SERINC5: variants seen among roughly 807,000 people sequenced by gnomAD.
The protein encoded by SERINC5 is chromosome 5 open reading frame 12.
A neutral mutation model predicts 63.1 loss-of-function variants in SERINC5; 41 were observed. The observed-to-expected ratio is 0.65, with a 90% CI of 0.51 to 0.84. The LOEUF is 0.84. Ranked by LOEUF, SERINC5 falls within the 40% of genes least tolerant of loss-of-function variation. SERINC5 has a pLI of 0.00. For synonymous variants in SERINC5, 222 were observed against 215.2 expected, an observed-to-expected ratio of 1.03 and a Z score of -0.28; for missense variants, 523 against 573.0, an observed-to-expected ratio of 0.91 and a Z score of 0.89.
chr5:80,184,724 T>C (rs1748692605), intron 2 of SERINC5, among the ~76,000 whole-genome samples: 1 of 152,086 alleles, frequency 6.6e-6, no homozygotes, highest in Non-Finnish European at 1.5e-5. Flanking sequence ...TATTTGCTGT[T>C]CCAAAGTCCA....
chr5:80,176,332 A>C (rs1033428710), intron 4 of SERINC5, among the ~76,000 whole-genome samples: 1 of 152,264 alleles, frequency 6.6e-6, no homozygotes, highest in African/African-American at 2.4e-5. Flanking sequence ...TAGGGAGTAC[A>C]TGAAAAACAA....
intron 5 of SERINC5, among the ~76,000 whole-genome samples, chr5:80,172,448 CCA>C (rs1747729662): frequency 6.6e-6 from 1 of 152,194 alleles, no homozygotes; most frequent in Non-Finnish European, 1.5e-5. Flanking sequence ...CTCTTTGTAA[CCA>C]CATTCTCCCA....
At chr5:80,164,785 T>C (rs1747161070) in intron 7 of SERINC5, among the ~76,000 whole-genome samples, 23 of 152,186 alleles carry the variant, frequency 1.5e-4, no homozygotes, top group Admixed American at 1.5e-3. Flanking sequence ...GTAATCTTTC[T>C]GCTTTTTTCA....
chr5:80,161,059 T>C (rs1352591658), intron 7 of SERINC5, among the ~76,000 whole-genome samples: 1 of 148,830 alleles, frequency 6.7e-6, no homozygotes, highest in Non-Finnish European at 1.5e-5. Flanking sequence ...TGTATGTATG[T>C]ATATATATAA....
chr5:80,226,507 T>C (rs539199042), intron 1 of SERINC5, among the ~76,000 whole-genome samples: 1 of 152,204 alleles, frequency 6.6e-6, no homozygotes, highest in Non-Finnish European at 1.5e-5. Context: ...CCTACTCCCC[T>C]ATAGAAACAT....
chr5:80,181,645 C>A (rs892899046), intron 2 of SERINC5, among the ~76,000 whole-genome samples: 20 of 148,240 alleles, frequency 1.3e-4, no homozygotes, highest in African/African-American at 4.9e-4. Flanking sequence ...TAAAACTGTA[C>A]ATTTTTTATG....
intron 1 of SERINC5, among the ~76,000 whole-genome samples, chr5:80,236,376 C>T (rs529842477): frequency 6.6e-6 from 1 of 152,248 alleles, no homozygotes; most frequent in South Asian, 2.1e-4. Context: ...TTAGAACTGG[C>T]TCTTAACTTC....
Position 80,222,338 on chromosome 5 carries a change from G to A in SERINC5, c.28-19285C>T, listed in dbSNP as rs564193616. Among the ~76,000 whole-genome samples the A allele has an allele frequency of 1.4e-3, 220 of 152,066 alleles. 2 individuals are homozygous for A. The South Asian group carries it at 0.015, about 10-fold the overall frequency. ...TGTTTCAAAGCAATTTCTCAGTGGC[G>A]GGACAAAGCTTTGCTGAATCATTAT... On this transcript the variant is annotated intron_variant, in intron 1 of 11. Coordinates refer to ENST00000507668, the MANE Select transcript of SERINC5 (RefSeq NM_001174072.3).
At chr5:80,232,220 C>T (rs931587625) in intron 1 of SERINC5, among the ~76,000 whole-genome samples, 39 of 146,430 alleles carry the variant, frequency 2.7e-4, no homozygotes, top group South Asian at 2.2e-4. Flanking sequence ...CTGGCTAACA[C>T]CGTAAAACCC....
chr5:80,164,338 T>G (rs995138994), intron 7 of SERINC5, among the ~76,000 whole-genome samples: 13 of 144,804 alleles, frequency 9.0e-5, no homozygotes, highest in African/African-American at 1.8e-4. Flanking sequence ...TGGGTTTTTT[T>G]GGGGGGGAGG....
At chr5:80,144,594 A>G (rs1185579505) in intron 11 of SERINC5, among the ~76,000 whole-genome samples, 1 of 152,172 alleles carries the variant, frequency 6.6e-6, no homozygotes, top group African/African-American at 2.4e-5. Context: ...CCAAAGCATC[A>G]CTGGGAAGCA....
rs753264797 is a variant in SERINC5 at position 80,255,924 on chromosome 5, G to A, written c.-2C>T. The A allele has an allele frequency of 2.8e-5, 43 of 1,560,438 alleles. No individual in the cohort carries two copies. The highest frequency in any genetic ancestry group is 3.5e-5 in the Non-Finnish European group (41 of 1,161,564). On this transcript the variant is annotated 5_prime_UTR_variant, in exon 1 of 12. Transcript: ENST00000507668. ...GCCCGCACAGCACTGAGCTGACATC[G>A]CGGCGGCCAATGCCGAAGGCGCGCT...
chr5:80,204,215 A>G (rs1403607629), intron 1 of SERINC5, among the ~76,000 whole-genome samples: 3 of 152,126 alleles, frequency 2.0e-5, no homozygotes, highest in Admixed American at 1.3e-4. Flanking sequence ...TATTGAACCT[A>G]AAGAGGGGAT....
At chr5:80,182,556 T>G (rs374469512) in intron 2 of SERINC5, among the ~76,000 whole-genome samples, 5 of 17,256 alleles carry the variant, frequency 2.9e-4, no homozygotes, top group East Asian at 2.1e-3. Flanking sequence ...CCCCCCCCCC[T>G]CCGCTTTTTT....
At chr5:80,255,160 G>T (rs918089315) in intron 1 of SERINC5, 1 of 152,226 alleles carries the variant, frequency 6.6e-6, no homozygotes, top group African/African-American at 2.4e-5. Context: ...CTACACTGAT[G>T]CAGTAACTGG....
At position 80,142,710 on chromosome 5, in the gene SERINC5, G is replaced by A. The variant is rs1025078014; in HGVS notation, c.*953C>T. The A allele has an allele frequency of 2.0e-6, 2 of 985,288 alleles. No homozygotes were observed. The highest frequency in any genetic ancestry group is 1.7e-5 in the African/African-American group (1 of 57,214). 61.0% of individuals were successfully genotyped at this position (985,288 alleles called of 1,614,324 possible). ...GCCTCAAGGTGGAGAAAAAACTGAG[G>A]GGCTGACCTCAACAACTGAAAGAGC... On this transcript the variant is annotated 3_prime_UTR_variant, in exon 12 of 12. Coordinates refer to ENST00000507668, the MANE Select transcript of SERINC5 (RefSeq NM_001174072.3).
chr5:80,208,927 C>G (rs955487860), intron 1 of SERINC5, among the ~76,000 whole-genome samples: 17 of 152,160 alleles, frequency 1.1e-4, no homozygotes, highest in African/African-American at 3.4e-4. Context: ...AGTACTAAAC[C>G]CTAGTACCTC....
intron 1 of SERINC5, among the ~76,000 whole-genome samples, chr5:80,218,474 A>G (rs1750765609): frequency 6.6e-6 from 1 of 152,302 alleles, no homozygotes; most frequent in African/African-American, 2.4e-5. Context: ...CGGGAGGCAG[A>G]GGTTGCAGTG....
At chr5:80,241,735 G>A (rs78116634) in intron 1 of SERINC5, among the ~76,000 whole-genome samples, 19,228 of 151,838 alleles carry the variant, frequency 0.13, 1,330 homozygotes, top group Middle Eastern at 0.2. Flanking sequence ...AAAAAGAAGG[G>A]GAAATGAAAT....
Sources: allele counts gnomAD v4.1 joint callset (sites outside exome capture counted in the v4.1 genomes callset), GRCh38; gene constraint gnomAD v4.1.1; transcripts MANE v1.5; gene names NCBI Gene and HGNC (gene_info 2026-07-23, HGNC 2026-07-21).